The following TENM1 variants were observed in gnomAD, a reference collection of about 807,000 sequenced individuals.
The protein encoded by TENM1 is teneurin transmembrane protein 1.
In TENM1, 35 loss-of-function variants were observed where a neutral mutation model predicts 174.8. The observed-to-expected ratio is 0.20, with a 90% CI of 0.15 to 0.27. The LOEUF is 0.27. Among genes scored for constraint, TENM1 ranks in the 10% least tolerant of loss-of-function variants. The pLI is 1.00. For synonymous variants in TENM1, 781 were observed against 798.7 expected, an observed-to-expected ratio of 0.98 and a Z score of 0.37; for missense variants, 1,633 against 2,130.1, an observed-to-expected ratio of 0.77 and a Z score of 4.59.
intron 3 of TENM1, among the ~76,000 whole-genome samples, chrX:124,800,997 A>T (rs1032808706): frequency 1.8e-5 from 2 of 111,680 alleles, no homozygotes; most frequent in African/African-American, 6.5e-5. Flanking sequence ...GCAGTTGCTG[A>T]GGAGTGTTTT....
At chrX:124,438,947 C>T (rs2060875001) in intron 23 of TENM1, among the ~76,000 whole-genome samples, 1 of 111,414 alleles carries the variant, frequency 9.0e-6, no homozygotes. Context: ...ATTGTTTCTC[C>T]CAGTTTATCA....
intron 2 of TENM1, 118 bp downstream of exon 5, chrX:124,895,863 G>T: frequency 1.1e-6 from 1 of 897,157 alleles, no homozygotes. Context: ...CTGCTAACTT[G>T]TATTTCCATT....
chrX:124,667,540 A>G (rs1463884241), intron 6 of TENM1, among the ~76,000 whole-genome samples: 2 of 106,967 alleles, frequency 1.9e-5, no homozygotes, highest in Non-Finnish European at 3.9e-5. Context: ...CAGTGAGCCG[A>G]GATTGCACCA....
chrX:124,941,595 A>C (rs1416701623), intron 1 of TENM1, among the ~76,000 whole-genome samples: 1 of 112,100 alleles, frequency 8.9e-6, no homozygotes, highest in Non-Finnish European at 1.9e-5. Flanking sequence ...TTGTATATCT[A>C]ACTTCAAATT....
At chrX:124,659,613 T>A (rs751733030) in intron 6 of TENM1, among the ~76,000 whole-genome samples, 1 of 111,620 alleles carries the variant, frequency 9.0e-6, no homozygotes, top group South Asian at 3.8e-4. Flanking sequence ...ATTTTTTTTT[T>A]AGAAATAGAC....
At chrX:124,728,815 C>T (rs1466231370) in intron 4 of TENM1, among the ~76,000 whole-genome samples, 1 of 111,947 alleles carries the variant, frequency 8.9e-6, no homozygotes, top group African/African-American at 3.2e-5. Flanking sequence ...TGACCTGGAT[C>T]TGTCATATCC....
chrX:124,625,729 A>G (rs778132134), intron 11 of TENM1, among the ~76,000 whole-genome samples: 2 of 110,491 alleles, frequency 1.8e-5, no homozygotes, highest in South Asian at 7.9e-4. Flanking sequence ...GGGAGGGGAG[A>G]AAGGCTGCAC....
chrX:124,698,198 G>A (rs1439973558), intron 5 of TENM1, among the ~76,000 whole-genome samples: 1 of 110,162 alleles, frequency 9.1e-6, no homozygotes, highest in Non-Finnish European at 1.9e-5. Context: ...TACGATTTTG[G>A]TGTCCTCAAC....
At chrX:124,609,161 G>A (rs1239427076) in intron 11 of TENM1, among the ~76,000 whole-genome samples, 1 of 111,384 alleles carries the variant, frequency 9.0e-6, no homozygotes, top group East Asian at 2.8e-4. Context: ...TTGAATAGTA[G>A]AACTTGCCTT....
At chrX:124,424,477 C>CT (rs1199609418) in intron 23 of TENM1, among the ~76,000 whole-genome samples, 1 of 112,165 alleles carries the variant, frequency 8.9e-6, no homozygotes, top group Non-Finnish European at 1.9e-5. Context: ...CTGGCTATCC[C>CT]TGTCCACCTT....
chrX:124,466,429 A>G (rs2061241843), intron 22 of TENM1, among the ~76,000 whole-genome samples: 1 of 112,354 alleles, frequency 8.9e-6, no homozygotes, highest in South Asian at 3.7e-4. Flanking sequence ...TCAACAGCTC[A>G]AACATCTCCA....
At chrX:124,615,488 TATA>T (rs1339709488) in intron 11 of TENM1, among the ~76,000 whole-genome samples, 1 of 112,204 alleles carries the variant, frequency 8.9e-6, no homozygotes, top group East Asian at 2.8e-4. Context: ...TTGTACCAAA[TATA>T]ATAACAATTG....
chrX:124,944,236 C>T (rs2058369887), intron 1 of TENM1, among the ~76,000 whole-genome samples: 1 of 110,637 alleles, frequency 9.0e-6, no homozygotes, highest in Admixed American at 9.7e-5. Flanking sequence ...TTAGGGTTTA[C>T]CAGCTAATTT....
At chrX:124,727,540 A>T (rs1444937383) in intron 4 of TENM1, among the ~76,000 whole-genome samples, 1 of 112,014 alleles carries the variant, frequency 8.9e-6, no homozygotes, top group Non-Finnish European at 1.9e-5. Context: ...AAGCAAAGGG[A>T]ACTATTCCAG....
intron 5 of TENM1, among the ~76,000 whole-genome samples, chrX:124,674,731 C>T (rs889482220): frequency 9.0e-6 from 1 of 111,250 alleles, no homozygotes; most frequent in East Asian, 2.8e-4. Context: ...TAGTTTAACA[C>T]ACCTGTTCCA....
At chrX:124,529,758 GAAGA>G (rs1441100210) in intron 16 of TENM1, 102 bp downstream of exon 19, 1 of 1,029,816 alleles carries the variant, frequency 9.7e-7, no homozygotes, top group Non-Finnish European at 1.3e-6. Context: ...GATATAACTT[GAAGA>G]AAGATGGGTT....
chrX:124,407,920 G>A (rs1334799434), intron 25 of TENM1, among the ~76,000 whole-genome samples: 2 of 111,751 alleles, frequency 1.8e-5, no homozygotes, highest in African/African-American at 6.5e-5. Flanking sequence ...CTAAGGACGC[G>A]TTATCAAAGA....
intron 3 of TENM1, among the ~76,000 whole-genome samples, chrX:124,770,744 A>G (rs62604295): frequency 0.33 from 35,183 of 108,178 alleles, 5,346 homozygotes; most frequent in Non-Finnish European, 0.46. Context: ...ATACATCTTG[A>G]GATCTCTCCA....
chrX:124,617,107 G>A (rs764460984), intron 11 of TENM1, among the ~76,000 whole-genome samples: 29 of 111,846 alleles, frequency 2.6e-4, no homozygotes, highest in African/African-American at 8.7e-4. Flanking sequence ...CTTGTTGGCG[G>A]TATCAGTTTT....
Sources: allele counts gnomAD v4.1 joint callset (sites outside exome capture counted in the v4.1 genomes callset), GRCh38; gene constraint gnomAD v4.1.1; transcripts MANE v1.5; gene names NCBI Gene and HGNC (gene_info 2026-07-23, HGNC 2026-07-21).